NFIB: variants seen among roughly 807,000 people sequenced by gnomAD.
NFIB encodes nuclear factor I B.
NFIB carries 11 observed loss-of-function variants against 61.5 expected under a neutral mutation model. The ratio of observed to expected loss-of-function variants is 0.18; its 90% CI spans 0.11 to 0.30. The LOEUF is 0.30. NFIB is among the 10% of genes least tolerant of loss of function. NFIB has a pLI of 1.00. For synonymous variants in NFIB, 260 were observed against 216.5 expected, an observed-to-expected ratio of 1.20 and a Z score of -1.76; for missense variants, 471 against 608.9, an observed-to-expected ratio of 0.77 and a Z score of 2.38.
intron 2 of NFIB, among the ~76,000 whole-genome samples, chr9:14,287,275 C>CA (rs1265076901): frequency 2.6e-5 from 4 of 151,426 alleles, no homozygotes; most frequent in Non-Finnish European, 5.9e-5. Context: ...ACTAAAAATA[C>CA]AAAAAATTAG....
the NFIB span, among the ~76,000 whole-genome samples, chr9:14,472,705 G>A: frequency 3.3e-5 from 5 of 152,096 alleles, no homozygotes; most frequent in African/African-American, 4.8e-5. Context: ...GCCGGGCGTC[G>A]TGGCGGGCGC....
At chr9:14,167,269 G>C (rs1028511557) in intron 3 of NFIB, among the ~76,000 whole-genome samples, 1 of 152,172 alleles carries the variant, frequency 6.6e-6, no homozygotes. Flanking sequence ...CTGGCTGGGT[G>C]TGGTGGCTCA....
At chr9:14,283,024 G>A (rs539487608) in intron 2 of NFIB, among the ~76,000 whole-genome samples, 9 of 152,216 alleles carry the variant, frequency 5.9e-5, no homozygotes, top group African/African-American at 1.9e-4. Flanking sequence ...TAGATGTTGC[G>A]GCTGTTGTTA....
At chr9:14,378,906 T>C (rs892510635) in intron 1 of NFIB, among the ~76,000 whole-genome samples, 3 of 152,118 alleles carry the variant, frequency 2.0e-5, no homozygotes, top group Admixed American at 6.5e-5. Context: ...GATTTGACCT[T>C]GGTTTTGATG....
chr9:14,388,451 AAAAGAGAGAAAG>A (rs2061580003), intron 1 of NFIB, among the ~76,000 whole-genome samples: 1 of 144,590 alleles, frequency 6.9e-6, no homozygotes, highest in Non-Finnish European at 1.5e-5. Flanking sequence ...AGAGGGAGAA[AAAAGAGAGAAAG>A]AAAAAGAGAG....
chr9:14,498,987 A>G, the NFIB span, among the ~76,000 whole-genome samples: 2 of 151,496 alleles, frequency 1.3e-5, no homozygotes, highest in African/African-American at 4.9e-5. Flanking sequence ...GTCATTGGCA[A>G]TTGTGTGTAT....
chr9:14,496,461 T>A, the NFIB span, among the ~76,000 whole-genome samples: 4 of 152,302 alleles, frequency 2.6e-5, no homozygotes, highest in South Asian at 8.3e-4. Flanking sequence ...GATTTCAGAT[T>A]TTCAGATTGA....
intron 6 of NFIB, among the ~76,000 whole-genome samples, chr9:14,138,244 A>C (rs2041293719): frequency 1.3e-5 from 2 of 152,182 alleles, no homozygotes; most frequent in Admixed American, 1.3e-4. Flanking sequence ...TCAATAAATA[A>C]ATGACAACCA....
the NFIB span, among the ~76,000 whole-genome samples, chr9:14,523,240 T>A: frequency 6.6e-6 from 1 of 152,128 alleles, no homozygotes; most frequent in Admixed American, 6.6e-5. Context: ...CACTTGGTGT[T>A]GGCTCAGCTT....
chr9:14,312,491 A>G (rs2060327184), intron 1 of NFIB, among the ~76,000 whole-genome samples: 1 of 152,216 alleles, frequency 6.6e-6, no homozygotes, highest in Non-Finnish European at 1.5e-5. Flanking sequence ...ACTGCCTCAA[A>G]TAACAGTTCT....
chr9:14,179,309 C>T (rs2046496429), intron 3 of NFIB, among the ~76,000 whole-genome samples: 1 of 152,026 alleles, frequency 6.6e-6, no homozygotes, highest in East Asian at 1.9e-4. Flanking sequence ...GAAAACACAA[C>T]CAACCACTCC....
At chr9:14,500,266 T>C in the NFIB span, among the ~76,000 whole-genome samples, 1 of 152,194 alleles carries the variant, frequency 6.6e-6, no homozygotes, top group Non-Finnish European at 1.5e-5. Flanking sequence ...TTAGCCTACA[T>C]TCCAGACCAC....
chr9:14,491,468 C>T, the NFIB span, among the ~76,000 whole-genome samples: 1 of 152,154 alleles, frequency 6.6e-6, no homozygotes, highest in Non-Finnish European at 1.5e-5. Flanking sequence ...TACAACCATT[C>T]TGGGGCAGAG....
At chr9:14,375,551 G>C (rs951931546) in intron 1 of NFIB, among the ~76,000 whole-genome samples, 2 of 152,218 alleles carry the variant, frequency 1.3e-5, no homozygotes, top group Non-Finnish European at 2.9e-5. Context: ...CCAGCGACTT[G>C]GGAGGCCGAG....
At chr9:14,318,709 A>G (rs2060597770), upstream of NFIB, among the ~76,000 whole-genome samples, 1 of 151,968 alleles carries the variant, frequency 6.6e-6, no homozygotes, top group Non-Finnish European at 1.5e-5. Flanking sequence ...CCTTTTTCCA[A>G]ATGAACCACA....
chr9:14,461,701 T>G, the NFIB span, among the ~76,000 whole-genome samples: 1 of 152,194 alleles, frequency 6.6e-6, no homozygotes, highest in African/African-American at 2.4e-5. Context: ...CTGGGTAGTT[T>G]AATTCCATCT....
rs2032131788 is a variant in NFIB at position 14,082,547 on chromosome 9, T to C, written c.*5762A>G. 4.8e-6 allele frequency: 1 copy of C among 207,498 alleles called. No individual in the cohort carries two copies. Among genetic ancestry groups the C allele is most frequent in the African/African-American group, 2.3e-5 (1 of 43,816 alleles). The allele number at this position is 207,498 out of a possible 1,614,324, so 12.9% of individuals were successfully genotyped here. On this transcript the variant is annotated 3_prime_UTR_variant, in exon 11 of 11. Coordinates refer to ENST00000380953, the MANE Select transcript of NFIB (RefSeq NM_001190737.2). ...TTACCCCTCACATTCTACAATGTTG[T>C]AGAGATTTTTTTTCCCAAGAAAATG...
chr9:14,353,319 G>C (rs891851552), intron 1 of NFIB, among the ~76,000 whole-genome samples: 3 of 152,124 alleles, frequency 2.0e-5, no homozygotes, highest in Admixed American at 6.5e-5. Flanking sequence ...CTGGGAAGCT[G>C]GTCCTGTTCT....
intron 3 of NFIB, among the ~76,000 whole-genome samples, chr9:14,172,880 C>G (rs1010316854): frequency 6.6e-6 from 1 of 152,088 alleles, no homozygotes; most frequent in Non-Finnish European, 1.5e-5. Context: ...AGCGATTCTC[C>G]TGCCTCAGCC....
Sources: allele counts gnomAD v4.1 joint callset (sites outside exome capture counted in the v4.1 genomes callset), GRCh38; gene constraint gnomAD v4.1.1; transcripts MANE v1.5; gene names NCBI Gene and HGNC (gene_info 2026-07-23, HGNC 2026-07-21).